Variants in NDUFAF4 observed in about 807,000 individuals in gnomAD.
NDUFAF4 encodes the protein NADH:ubiquinone oxidoreductase complex assembly factor 4.
In NDUFAF4, 10 loss-of-function variants were observed where a neutral mutation model predicts 15.6. That is an observed-to-expected ratio of 0.64 (90% CI 0.40 to 1.09). The LOEUF (loss-of-function observed/expected upper bound fraction) is 1.09, where lower values mean the gene tolerates loss of function less well. Among genes scored for constraint, NDUFAF4 ranks in the 50% least tolerant of loss-of-function variants. The probability of loss-of-function intolerance (pLI) is 0.01; values close to 1 mark genes in which losing one functional copy is unlikely to be tolerated. For missense variants in NDUFAF4, 203 were observed against 207.3 expected (o/e 0.98, Z 0.13); for synonymous variants, 77 against 73.3 (o/e 1.05, Z -0.26).
At chr6:96,892,273 AAAAC>A (rs1172784174) in intron 2 of NDUFAF4, among the ~76,000 whole-genome samples, 1 of 152,156 alleles carries the variant, frequency 6.6e-6, no homozygotes, top group Non-Finnish European at 1.5e-5. Context: ...CAGTATAAAT[AAAAC>A]AACCTATGCA....
chr6:96,893,800 G>A (rs577270295), intron 2 of NDUFAF4, among the ~76,000 whole-genome samples: 6 of 150,830 alleles, frequency 4.0e-5, no homozygotes, highest in East Asian at 1.9e-4. Context: ...TTTTTTAATC[G>A]AAAACAAGTA....
rs1272869991 is a variant in NDUFAF4 at position 96,891,527 on chromosome 6, T to C, written c.241-136A>G. ...TCTGTGTCCCCACCCAAATCTCATG[T>C]CACCAAATTGTAGTCCCCAAAGTTG... On this transcript the variant is annotated intron_variant, in intron 2 of 2. Transcript: ENST00000316149. 9.6e-6 allele frequency: 9 copies of C among 939,838 alleles called. 1 individual carries two copies. Among genetic ancestry groups the C allele is most frequent in the Non-Finnish European group, 1.4e-5 (9 of 624,640 alleles). The allele number at this position is 939,838 out of a possible 1,614,324, so 58.2% of individuals were successfully genotyped here. A position where few individuals can be genotyped will look rare whatever the true frequency, so the allele number is the denominator to read the frequency against.
rs1416654575 is a variant in NDUFAF4, at chr6:96,889,360, CAG to C, written c.*1742_*1743del. On this transcript the variant is annotated 3_prime_UTR_variant, in exon 3 of 3. Transcript: ENST00000316149. Reference sequence around the variant, plus strand: ...TATTTTATCATGTGACACCACATAACAGATGCCTAACCACACAATGTAGATAT... The same window carrying C: ...TATTTTATCATGTGACACCACATAACATGCCTAACCACACAATGTAGATAT... 1 of 152,148 alleles carries C rather than the reference CAG, an allele frequency of 6.6e-6. No homozygotes were observed. The highest frequency in any genetic ancestry group is 1.5e-5 in the Non-Finnish European group (1 of 68,028). The allele number at this position is 152,148 out of a possible 1,614,324, so 9.4% of individuals were successfully genotyped here.
intron 2 of NDUFAF4, among the ~76,000 whole-genome samples, chr6:96,895,788 A>C (rs773596551): frequency 2.0e-5 from 3 of 152,114 alleles, no homozygotes; most frequent in Non-Finnish European, 4.4e-5. Flanking sequence ...ATCTTGTTTT[A>C]TTTCTCCTCT....
intron 2 of NDUFAF4, 136 bp downstream of exon 2, chr6:96,896,608 A>G (rs1775376391): frequency 4.1e-6 from 3 of 729,508 alleles, no homozygotes; most frequent in South Asian, 3.0e-5. Context: ...AGTGTGCTTA[A>G]ACTTTGCCAA....
chr6:96,893,946 A>C (rs185355250), intron 2 of NDUFAF4, among the ~76,000 whole-genome samples: 80 of 152,330 alleles, frequency 5.3e-4, no homozygotes, highest in African/African-American at 1.8e-3. Context: ...TAGAAAGAGA[A>C]GTTTTTAATT....
At chr6:96,897,405 G>A (rs2127975572) in intron 1 of NDUFAF4, among the ~76,000 whole-genome samples, 1 of 152,304 alleles carries the variant, frequency 6.6e-6, no homozygotes, top group African/African-American at 2.4e-5. Flanking sequence ...ACAGCAGCCG[G>A]CGAGGGCCTG....
In NDUFAF4 at chr6:96,890,981, G is replaced by A; in HGVS notation, c.*123C>T. Reference sequence around the variant, plus strand: ...AGTCAGGGAGCTCAATAAATATTAAGAGTATGCCCTCACAATGAGAGCATT... The same window carrying A: ...AGTCAGGGAGCTCAATAAATATTAAAAGTATGCCCTCACAATGAGAGCATT... On this transcript the variant is annotated 3_prime_UTR_variant, in exon 3 of 3. Transcript: ENST00000316149. 1 of 851,516 alleles carries A rather than the reference G, an allele frequency of 1.2e-6. No individual in the cohort carries two copies. The highest frequency in any genetic ancestry group is 1.8e-6 in the Non-Finnish European group (1 of 544,824). 52.7% of individuals were successfully genotyped at this position (851,516 alleles called of 1,614,324 possible).
chr6:96,896,262 A>C, intron 2 of NDUFAF4: 1 of 178,204 alleles, frequency 5.6e-6, no homozygotes, highest in Non-Finnish European at 1.2e-5. Flanking sequence ...TTCCTAATGT[A>C]TTCTTTGATC....
At position 96,893,788 on chromosome 6, in the gene NDUFAF4, T is replaced by C. The variant is rs555579056; in HGVS notation, c.241-2397A>G. On this transcript the variant is annotated intron_variant, in intron 2 of 2. Transcript: ENST00000316149. ...GAAAATGTCCCAAACGTGATATAAGTATTTTTTAATCGAAAACAAGTATCA... is the reference window on the plus strand; with the variant it reads ...GAAAATGTCCCAAACGTGATATAAGCATTTTTTAATCGAAAACAAGTATCA... 1.1e-4 allele frequency among the ~76,000 whole-genome samples: 17 copies of C among 151,690 alleles called. 2 individuals are homozygous for C. The South Asian group carries it at 3.5e-3, about 32-fold the overall frequency.
Position 96,890,824 on chromosome 6 carries a change from G to T in NDUFAF4, c.*280C>A. On this transcript the variant is annotated 3_prime_UTR_variant, in exon 3 of 3. Coordinates refer to ENST00000316149, the MANE Select transcript of NDUFAF4 (RefSeq NM_014165.4). ...GACCAATTTAAAAGTTGGTATATGT[G>T]CCTAAAATAACAAATTAACTCTTTC... The T allele has an allele frequency of 3.1e-6, 1 of 326,516 alleles. No homozygotes were observed. The highest frequency in any genetic ancestry group is 5.7e-6 in the Non-Finnish European group (1 of 176,122). 20.2% of individuals were successfully genotyped at this position (326,516 alleles called of 1,614,324 possible).
chr6:96,891,455 T>C, intron 2 of NDUFAF4, 64 bp from the exon 3 acceptor site: 1 of 1,440,268 alleles, frequency 6.9e-7, no homozygotes, highest in Non-Finnish European at 9.7e-7. Context: ...TTCATACTTC[T>C]CAAATCTACA....
intron 2 of NDUFAF4, among the ~76,000 whole-genome samples, chr6:96,895,075 G>C (rs1330515925): frequency 3.9e-5 from 6 of 152,172 alleles, no homozygotes; most frequent in Admixed American, 3.9e-4. Context: ...TAAGTAAGTG[G>C]AGAAAGGTCT....
intron 2 of NDUFAF4, among the ~76,000 whole-genome samples, chr6:96,893,412 CTA>C (rs1346087642): frequency 1.3e-5 from 2 of 152,118 alleles, no homozygotes; most frequent in African/African-American, 2.4e-5. Flanking sequence ...GATCTGACCC[CTA>C]TCACTCTCCA....
At chr6:96,891,700 T>C (rs895320446) in intron 2 of NDUFAF4, among the ~76,000 whole-genome samples, 2 of 151,812 alleles carry the variant, frequency 1.3e-5, no homozygotes, top group African/African-American at 4.8e-5. Context: ...TCTGGCAATA[T>C]AAGCCGTGCC....
chr6:96,894,003 A>C (rs1775343305), intron 2 of NDUFAF4, among the ~76,000 whole-genome samples: 1 of 152,222 alleles, frequency 6.6e-6, no homozygotes, highest in Admixed American at 6.5e-5. Flanking sequence ...AAAACCTAAC[A>C]GAAATAATAA....
At chr6:96,893,314 A>G (rs1005611621) in intron 2 of NDUFAF4, among the ~76,000 whole-genome samples, 1 of 152,176 alleles carries the variant, frequency 6.6e-6, no homozygotes, top group African/African-American at 2.4e-5. Flanking sequence ...CAAATCTAAC[A>G]TCACTTTTGA....
At chr6:96,896,205 C>T (rs79629374) in intron 2 of NDUFAF4, 2,659 of 163,566 alleles carry the variant, frequency 0.016, 78 homozygotes, top group African/African-American at 0.061. Flanking sequence ...AGCACTTGTG[C>T]CCAGGACTTA....
rs966137957 is a variant in NDUFAF4, at chr6:96,891,464, C to A, written c.241-73G>T. ...TCTACTTTCATACTTCTCAAATCTACACTATTCCTCTTCAAATAACAACTA... is the reference window on the plus strand; with the variant it reads ...TCTACTTTCATACTTCTCAAATCTAAACTATTCCTCTTCAAATAACAACTA... On this transcript the variant is annotated intron_variant, in intron 2 of 2. Transcript: ENST00000316149. 4.3e-5 allele frequency: 59 copies of A among 1,373,810 alleles called. No homozygotes were observed. In the Admixed American group the frequency reaches 1.1e-3, roughly 25 times the overall value. The allele number at this position is 1,373,810 out of a possible 1,614,324, so 85.1% of individuals were successfully genotyped here. A position where few individuals can be genotyped will look rare whatever the true frequency, so the allele number is the denominator to read the frequency against.
Sources: allele counts gnomAD v4.1 joint callset (sites outside exome capture counted in the v4.1 genomes callset), GRCh38; gene constraint gnomAD v4.1.1; transcripts MANE v1.5; gene names NCBI Gene and HGNC (gene_info 2026-07-23, HGNC 2026-07-21).